HMGCLL1: variants seen among roughly 807,000 people sequenced by gnomAD.
The protein encoded by HMGCLL1 is 3-hydroxy-3-methylglutaryl-CoA lyase like 1, also known as 3-hydroxymethyl-3-methylglutaryl-CoA lyase, cytoplasmic.
A neutral mutation model predicts 39.1 loss-of-function variants in HMGCLL1; 36 were observed. The observed-to-expected ratio is 0.92, with a 90% CI of 0.71 to 1.22. HMGCLL1 has a LOEUF of 1.22. Ranked by LOEUF, HMGCLL1 falls within the 50% of genes most tolerant of loss-of-function variation. The pLI, the probability that HMGCLL1 is intolerant of heterozygous loss-of-function variation, is 0.00. For missense variants in HMGCLL1, 451 were observed against 416.5 expected (o/e 1.08, Z -0.72); for synonymous variants, 149 against 144.0 (o/e 1.03, Z -0.25).
chr6:55,544,335 T>C (rs1769833799), intron 1 of HMGCLL1, among the ~76,000 whole-genome samples: 2 of 152,122 alleles, frequency 1.3e-5, no homozygotes, highest in African/African-American at 4.8e-5. Flanking sequence ...AAATAGTATA[T>C]TGCAGTTAAA....
At chr6:55,600,190 A>G in the HMGCLL1 span, among the ~76,000 whole-genome samples, 1 of 152,182 alleles carries the variant, frequency 6.6e-6, no homozygotes, top group Non-Finnish European at 1.5e-5. Context: ...AAAGGCCTCC[A>G]AAATTATTGT....
chr6:55,641,831 T>C, the HMGCLL1 span, among the ~76,000 whole-genome samples: 1 of 151,116 alleles, frequency 6.6e-6, no homozygotes, highest in Non-Finnish European at 1.5e-5. Context: ...TTTATAAAGG[T>C]ATTTCACATT....
chr6:55,628,311 TA>T, the HMGCLL1 span, among the ~76,000 whole-genome samples: 3 of 145,430 alleles, frequency 2.1e-5, no homozygotes, highest in African/African-American at 7.7e-5. Flanking sequence ...TTAATTTATT[TA>T]TTTTTTTGAG....
At chr6:55,671,272 G>A in the HMGCLL1 span, among the ~76,000 whole-genome samples, 1 of 151,672 alleles carries the variant, frequency 6.6e-6, no homozygotes, top group Non-Finnish European at 1.5e-5. Flanking sequence ...TCTGACTGGT[G>A]GGATTAGTTG....
At chr6:55,535,303 G>T (rs2127451755) in intron 3 of HMGCLL1, among the ~76,000 whole-genome samples, 1 of 152,314 alleles carries the variant, frequency 6.6e-6, no homozygotes, top group East Asian at 1.9e-4. Context: ...CAACACTAGT[G>T]TGCATACCTG....
At chr6:55,454,264 G>A (rs1369178982) in intron 7 of HMGCLL1, among the ~76,000 whole-genome samples, 2 of 152,106 alleles carry the variant, frequency 1.3e-5, no homozygotes, top group South Asian at 2.1e-4. Context: ...GAGTACCAGG[G>A]GTGGGGGCAG....
the HMGCLL1 span, among the ~76,000 whole-genome samples, chr6:55,672,718 GT>G: frequency 6.6e-6 from 1 of 151,872 alleles, no homozygotes; most frequent in South Asian, 2.1e-4. Context: ...ACTATTATAT[GT>G]AATTGCAAAA....
chr6:55,619,047 G>T, the HMGCLL1 span, among the ~76,000 whole-genome samples: 1 of 152,020 alleles, frequency 6.6e-6, no homozygotes, highest in Non-Finnish European at 1.5e-5. Flanking sequence ...AGGAAACAAT[G>T]GACCCATCCC....
chr6:55,603,634 T>A, the HMGCLL1 span, among the ~76,000 whole-genome samples: 4 of 152,096 alleles, frequency 2.6e-5, no homozygotes, highest in Non-Finnish European at 5.9e-5. Flanking sequence ...CCACAGAAGG[T>A]CTTCTTGGGG....
the HMGCLL1 span, among the ~76,000 whole-genome samples, chr6:55,655,081 A>G: frequency 6.6e-6 from 1 of 151,986 alleles, no homozygotes; most frequent in East Asian, 1.9e-4. Context: ...TTTCTTCAGC[A>G]TAAATTGAGT....
intron 5 of HMGCLL1, 110 bp from the exon 6 acceptor site, chr6:55,499,409 A>G: frequency 2.8e-6 from 2 of 717,598 alleles, no homozygotes; most frequent in Non-Finnish European, 2.2e-6. Flanking sequence ...ATTTTGCACT[A>G]TTACTTTATT....
At chr6:55,584,611 C>T in the HMGCLL1 span, among the ~76,000 whole-genome samples, 2 of 151,964 alleles carry the variant, frequency 1.3e-5, no homozygotes, top group South Asian at 4.2e-4. Context: ...ACTGACTATA[C>T]CAATTGTCTC....
At position 55,479,718 on chromosome 6, in the gene HMGCLL1, C is replaced by A. The variant is rs185132408; in HGVS notation, c.795+15701G>T. On this transcript the variant is annotated intron_variant, in intron 7 of 8. Transcript: ENST00000274901. ...AAAACTTGACTTCAGTATGTGAAAG[C>A]CTGAAGATTTAAAGGATAAGCAGAA... Among the ~76,000 whole-genome samples the A allele has an allele frequency of 4.7e-3, 707 of 151,704 alleles. 3 individuals carry two copies. The highest frequency in any genetic ancestry group is 0.012 in the South Asian group (58 of 4,822).
chr6:55,539,562 T>C (rs957436600), intron 3 of HMGCLL1, among the ~76,000 whole-genome samples: 1 of 151,872 alleles, frequency 6.6e-6, no homozygotes, highest in Non-Finnish European at 1.5e-5. Context: ...CTGGAGGCCA[T>C]TATCGAACAT....
chr6:55,567,309 T>C lies in HMGCLL1; in HGVS notation c.108+11639A>G, dbSNP rs545029309. ...AAATGTATAAAACAATTTATAAGAT[T>C]ATGGGGTCTTAAAATTATTTTTGTA... is the stretch of plus-strand genomic sequence containing the variant. On this transcript the variant is annotated intron_variant, in intron 1 of 8. Transcript: ENST00000274901. 2.0e-5 allele frequency among the ~76,000 whole-genome samples: 3 copies of C among 152,206 alleles called. No individual in the cohort carries two copies. In the South Asian group the frequency reaches 6.2e-4, roughly 32 times the overall value.
At chr6:55,603,510 C>G in the HMGCLL1 span, among the ~76,000 whole-genome samples, 2 of 152,058 alleles carry the variant, frequency 1.3e-5, no homozygotes, top group African/African-American at 4.8e-5. Flanking sequence ...ACACTCAACA[C>G]AGGAATGTAC....
At chr6:55,654,649 GCACTTCCT>G in the HMGCLL1 span, among the ~76,000 whole-genome samples, 1 of 151,738 alleles carries the variant, frequency 6.6e-6, no homozygotes, top group Non-Finnish European at 1.5e-5. Flanking sequence ...TGCTTGATCA[GCACTTCCT>G]GATCAAGCAC....
chr6:55,468,370 C>T (rs1438122761), intron 7 of HMGCLL1, among the ~76,000 whole-genome samples: 1 of 151,748 alleles, frequency 6.6e-6, no homozygotes, highest in Non-Finnish European at 1.5e-5. Flanking sequence ...GGAAGGTGCT[C>T]AATAGATGTT....
chr6:55,601,750 G>T, the HMGCLL1 span, among the ~76,000 whole-genome samples: 2 of 152,004 alleles, frequency 1.3e-5, no homozygotes, highest in Admixed American at 6.6e-5. Flanking sequence ...TTTAAAAATT[G>T]ACTTGGCTAT....
Sources: allele counts gnomAD v4.1 joint callset (sites outside exome capture counted in the v4.1 genomes callset), GRCh38; gene constraint gnomAD v4.1.1; transcripts MANE v1.5; gene names NCBI Gene and HGNC (gene_info 2026-07-23, HGNC 2026-07-21).